PDHX: variants seen among roughly 807,000 people sequenced by gnomAD.
The protein encoded by PDHX is pyruvate dehydrogenase complex component X, also known as pyruvate dehydrogenase protein X component, mitochondrial.
In PDHX, 33 loss-of-function variants were observed where a neutral mutation model predicts 55.3. That is an observed-to-expected ratio of 0.60 (90% CI 0.45 to 0.80). PDHX has a LOEUF of 0.80. PDHX is among the 30% of genes least tolerant of loss of function. PDHX has a pLI of 0.00. For synonymous variants in PDHX, 226 were observed against 219.4 expected (o/e 1.03, Z -0.27); for missense variants, 622 against 619.9 (o/e 1.00, Z -0.04).
chr11:34,975,755 C>G (rs1046545923), intron 7 of PDHX, among the ~76,000 whole-genome samples: 26 of 152,106 alleles, frequency 1.7e-4, no homozygotes, highest in Admixed American at 1.7e-3. Flanking sequence ...TTGTAACCTC[C>G]GCTCCCTAAT....
In PDHX at chr11:34,960,448, A is replaced by G; in HGVS notation, c.571A>G (p.Ile191Val). 6.2e-7 allele frequency: 1 copy of G among 1,613,484 alleles called. No individual in the cohort carries two copies. The highest frequency in any genetic ancestry group is 8.5e-7 in the Non-Finnish European group (1 of 1,179,592). The change falls in exon 5 of 11, where the codon ATT (isoleucine) becomes GTT (valine). Residue 191 changes from isoleucine to valine, a missense_variant. Ile to Val is a conservative substitution (Grantham distance 29, BLOSUM62 3). Transcript: ENST00000227868. ...RFRLSPAARNILEKHSLDASQ... is the reference protein window; with the variant it reads ...RFRLSPAARNVLEKHSLDASQ... ...CCGTTTAAGTCCAGCTGCCCGCAATATTCTGGAAAAACACTCACTGGATGC... is the reference window on the plus strand; with the variant it reads ...CCGTTTAAGTCCAGCTGCCCGCAATGTTCTGGAAAAACACTCACTGGATGC...
chr11:34,974,374 T>C (rs1855322614), intron 7 of PDHX, among the ~76,000 whole-genome samples: 1 of 152,192 alleles, frequency 6.6e-6, no homozygotes, highest in Admixed American at 6.5e-5. Context: ...AGTGTTCCAT[T>C]GTATGTATCT....
At chr11:34,938,596 A>G (rs939799504) in intron 2 of PDHX, among the ~76,000 whole-genome samples, 2 of 152,238 alleles carry the variant, frequency 1.3e-5, no homozygotes, top group Non-Finnish European at 2.9e-5. Context: ...ATTCAGACAC[A>G]GAACAGTCTT....
intron 6 of PDHX, among the ~76,000 whole-genome samples, chr11:34,969,499 A>T (rs1438972214): frequency 6.6e-6 from 1 of 151,982 alleles, no homozygotes; most frequent in East Asian, 1.9e-4. Flanking sequence ...ACGCGCCACC[A>T]CACTCAGCTA....
chr11:34,958,145 C>G (rs1353654548), intron 4 of PDHX, among the ~76,000 whole-genome samples: 1 of 152,166 alleles, frequency 6.6e-6, no homozygotes, highest in Non-Finnish European at 1.5e-5. Context: ...TCTGTAAATT[C>G]TAACATTTCA....
intron 1 of PDHX, among the ~76,000 whole-genome samples, chr11:34,917,091 G>C (rs1203619671): frequency 1.3e-5 from 2 of 152,112 alleles, no homozygotes; most frequent in Non-Finnish European, 2.9e-5. Flanking sequence ...GGCGCAGAGA[G>C]GGTTCCCAAA....
chr11:34,939,996 G>C (rs967617571), intron 2 of PDHX, among the ~76,000 whole-genome samples: 1 of 151,996 alleles, frequency 6.6e-6, no homozygotes, highest in African/African-American at 2.4e-5. Flanking sequence ...AGTTTAAACT[G>C]CACCTAGTTT....
At chr11:34,973,603 C>T (rs1439923364) in intron 7 of PDHX, among the ~76,000 whole-genome samples, 1 of 151,916 alleles carries the variant, frequency 6.6e-6, no homozygotes, top group Non-Finnish European at 1.5e-5. Flanking sequence ...CAATGTAATT[C>T]TTTAATTTAT....
At chr11:34,990,074 T>G (rs1266706986) in intron 9 of PDHX, among the ~76,000 whole-genome samples, 1 of 152,200 alleles carries the variant, frequency 6.6e-6, no homozygotes, top group East Asian at 1.9e-4. Flanking sequence ...GTGGGGGCTG[T>G]AGGCATACCC....
chr11:34,989,864 A>G (rs1219113233), intron 9 of PDHX, among the ~76,000 whole-genome samples: 1 of 152,140 alleles, frequency 6.6e-6, no homozygotes, highest in Non-Finnish European at 1.5e-5. Flanking sequence ...ATTGCCATTT[A>G]TCTAATTCTA....
intron 1 of PDHX, among the ~76,000 whole-genome samples, chr11:34,920,439 T>C (rs886445780): frequency 2.6e-5 from 4 of 152,184 alleles, no homozygotes; most frequent in Non-Finnish European, 4.4e-5. Flanking sequence ...TAGGAAGTTA[T>C]AAAAGAACAC....
At position 34,916,768 on chromosome 11, in the gene PDHX, G is replaced by C; in HGVS notation, c.113G>C (p.Ser38Thr). The C allele has an allele frequency of 6.2e-7, 1 of 1,607,628 alleles. No homozygotes were observed. The highest frequency in any genetic ancestry group is 8.5e-7 in the Non-Finnish European group (1 of 1,177,338). Residue 38 changes from serine to threonine, a missense_variant, in exon 1 of 11, where the codon AGC becomes ACC. By Grantham distance (58) the Ser-to-Thr change is moderately conservative. Transcript: ENST00000227868. ...AAGGGGGCTCTTGGGTGGTCTGTAA[G>C]CCGCGGAGCTAATTGGAGATGGTTT... The part of the protein sequence containing the change: ...LVKGALGWSV[S>T]RGANWRWFHS...
intron 1 of PDHX, among the ~76,000 whole-genome samples, chr11:34,927,226 A>AG (rs35802689): frequency 0.79 from 120,043 of 151,940 alleles, 47,581 homozygotes; most frequent in East Asian, 0.83. Context: ...TGACTACAAA[A>AG]CGTTAAATTT....
At chr11:34,930,032 C>T (rs895684797) in intron 1 of PDHX, among the ~76,000 whole-genome samples, 1 of 152,208 alleles carries the variant, frequency 6.6e-6, no homozygotes, top group East Asian at 1.9e-4. Flanking sequence ...AAAGCAAACA[C>T]GCATATCCGA....
intron 1 of PDHX, among the ~76,000 whole-genome samples, chr11:34,926,983 A>T (rs1230099578): frequency 6.6e-6 from 1 of 151,452 alleles, no homozygotes; most frequent in Non-Finnish European, 1.5e-5. Flanking sequence ...CTAAGCAAAA[A>T]ATTTTAATGT....
intron 9 of PDHX, among the ~76,000 whole-genome samples, chr11:34,987,114 T>C (rs1855662427): frequency 6.6e-6 from 1 of 152,210 alleles, no homozygotes; most frequent in East Asian, 1.9e-4. Flanking sequence ...CACTGCTTAA[T>C]GAGCTTTCTA....
chr11:34,969,703 T>C (rs1855214862), intron 6 of PDHX, among the ~76,000 whole-genome samples: 2 of 152,160 alleles, frequency 1.3e-5, no homozygotes, highest in Non-Finnish European at 2.9e-5. Context: ...GGTGTATGTC[T>C]ATGTCTGTCT....
intron 1 of PDHX, among the ~76,000 whole-genome samples, chr11:34,919,876 C>T: frequency 6.6e-6 from 1 of 152,156 alleles, no homozygotes; most frequent in South Asian, 2.1e-4. Context: ...TGCCACATGG[C>T]ACATTTAATC....
In PDHX at chr11:34,931,426, G is replaced by A. The variant is rs1253061187; in HGVS notation, c.183G>A (p.Met61Ile). 11 of 1,604,652 alleles carry A rather than the reference G, an allele frequency of 6.9e-6. No individual in the cohort carries two copies. In the East Asian group the frequency reaches 8.9e-5, roughly 13 times the overall value. ...WLRGDPIKIL[M>I]PSLSPTMEEG... ...CAGGTGATCCCATTAAGATACTAAT[G>A]CCATCACTGTCTCCTACAATGGAAG... is the stretch of plus-strand genomic sequence containing the variant. Residue 61 changes from methionine to isoleucine, a missense_variant, in exon 2 of 11, where the codon ATG becomes ATA. By Grantham distance (10) the Met-to-Ile change is conservative (BLOSUM62 1). Coordinates refer to ENST00000227868, the MANE Select transcript of PDHX (RefSeq NM_003477.3).
Sources: allele counts gnomAD v4.1 joint callset (sites outside exome capture counted in the v4.1 genomes callset), GRCh38; gene constraint gnomAD v4.1.1; transcripts MANE v1.5; gene names NCBI Gene and HGNC (gene_info 2026-07-23, HGNC 2026-07-21).